The following ZNF69 variants were observed in gnomAD, a reference collection of about 807,000 sequenced individuals.
The protein encoded by ZNF69 is ZNF3.
ZNF69 carries 47 observed loss-of-function variants against 50.9 expected under a neutral mutation model. The ratio of observed to expected loss-of-function variants is 0.92; its 90% CI spans 0.73 to 1.18. ZNF69 has a LOEUF of 1.18. Among genes scored for constraint, ZNF69 ranks in the 50% most tolerant of loss-of-function variants. ZNF69 has a pLI of 0.00. For missense variants in ZNF69, 717 were observed against 675.1 expected (o/e 1.06, Z -0.69); for synonymous variants, 216 against 223.1 (o/e 0.97, Z 0.29).
the ZNF69 span, among the ~76,000 whole-genome samples, chr19:11,940,610 G>T: frequency 6.6e-6 from 1 of 152,166 alleles, no homozygotes; most frequent in Non-Finnish European, 1.5e-5. Flanking sequence ...CCCAAAGAGT[G>T]AGCACTAGCA....
At chr19:11,948,532 A>G in the ZNF69 span, 1 of 1,610,786 alleles carries the variant, frequency 6.2e-7, no homozygotes, top group South Asian at 1.1e-5. Flanking sequence ...TCAACAACCT[A>G]AAAATAAGAA....
chr19:11,973,381 A>AT, the ZNF69 span, among the ~76,000 whole-genome samples: 3 of 151,970 alleles, frequency 2.0e-5, no homozygotes, highest in Non-Finnish European at 4.4e-5. Context: ...CGACTCATTT[A>AT]TTTTTTATTT....
In ZNF69 at chr19:11,891,729, CTGT is replaced by C. The variant is rs780341705; in HGVS notation, c.63+3750_63+3752del. 3.9e-5 allele frequency among the ~76,000 whole-genome samples: 6 copies of C among 152,252 alleles called. 1 individual carries two copies. The South Asian group carries it at 6.2e-4, about 16-fold the overall frequency. Reference sequence around the variant, plus strand: ...ATGGGTATTGGGACATCAGGACATTCTGTTGTTGTGGGAGTGTAAGGATACTTG... The same window carrying C: ...ATGGGTATTGGGACATCAGGACATTCTGTTGTGGGAGTGTAAGGATACTTG... On this transcript the variant is annotated intron_variant, in intron 1 of 3. Transcript: ENST00000429654.
the ZNF69 span, among the ~76,000 whole-genome samples, chr19:11,969,140 T>C: frequency 2.6e-5 from 4 of 152,358 alleles, no homozygotes; most frequent in South Asian, 4.1e-4. Flanking sequence ...GGTCTCACTC[T>C]GTCGGCTAGG....
At position 11,888,573 on chromosome 19, in the gene ZNF69, A is replaced by AG. The variant is rs528678265; in HGVS notation, c.63+589dup. ...AAGAAGCCTGGAGTAAGTGGTCCCG[A>AG]GGCGGCTCAAGACAGTTTGGTTTTA... On this transcript the variant is annotated intron_variant, in intron 1 of 3. Transcript: ENST00000429654. Among the ~76,000 whole-genome samples, 481 of 152,302 alleles carry AG rather than the reference A, an allele frequency of 3.2e-3. 5 individuals are homozygous for AG. The highest frequency in any genetic ancestry group is 4.7e-3 in the Non-Finnish European group (317 of 68,020).
the ZNF69 span, among the ~76,000 whole-genome samples, chr19:11,962,082 T>C: frequency 3.3e-3 from 500 of 152,292 alleles, 1 homozygote; most frequent in Non-Finnish European, 3.7e-3. Flanking sequence ...ACCCCAGTGC[T>C]GGGATTAAGG....
downstream of ZNF69, among the ~76,000 whole-genome samples, chr19:11,917,324 ATT>A (rs1972530915): frequency 6.6e-6 from 1 of 152,204 alleles, no homozygotes; most frequent in Non-Finnish European, 1.5e-5. Flanking sequence ...TTTGGTGGGC[ATT>A]GAGACCCTGG....
the ZNF69 span, among the ~76,000 whole-genome samples, chr19:11,972,734 G>A: frequency 2.6e-5 from 4 of 152,042 alleles, no homozygotes; most frequent in Non-Finnish European, 5.9e-5. Context: ...TGCCCAAAAC[G>A]TTGAGCAAAT....
the ZNF69 span, among the ~76,000 whole-genome samples, chr19:11,973,973 C>T: frequency 1.3e-5 from 2 of 152,118 alleles, no homozygotes; most frequent in African/African-American, 4.8e-5. Flanking sequence ...TCACTGTCTC[C>T]AGCATTTGGA....
the ZNF69 span, among the ~76,000 whole-genome samples, chr19:11,952,786 G>T: frequency 1.3e-5 from 2 of 152,250 alleles, no homozygotes; most frequent in Non-Finnish European, 2.9e-5. Flanking sequence ...AGAGATGGGG[G>T]CACCTGACCA....
the ZNF69 span, among the ~76,000 whole-genome samples, chr19:11,962,449 C>G: frequency 6.6e-6 from 1 of 152,204 alleles, no homozygotes; most frequent in African/African-American, 2.4e-5. Flanking sequence ...ACTGCAGAAA[C>G]TCCTGGGCTC....
At chr19:11,932,030 G>T in the ZNF69 span, among the ~76,000 whole-genome samples, 1 of 147,388 alleles carries the variant, frequency 6.8e-6, no homozygotes, top group Non-Finnish European at 1.5e-5. Flanking sequence ...CAGGAGAATC[G>T]CTTGAACCTG....
chr19:11,944,348 C>T, the ZNF69 span, among the ~76,000 whole-genome samples: 7 of 152,232 alleles, frequency 4.6e-5, no homozygotes, highest in East Asian at 9.6e-4. Context: ...AGCTTGTACA[C>T]ACTTTAATCC....
At chr19:11,894,208 C>T (rs1338124554) in intron 1 of ZNF69, among the ~76,000 whole-genome samples, 2 of 152,104 alleles carry the variant, frequency 1.3e-5, no homozygotes, top group South Asian at 2.1e-4. Flanking sequence ...CTTGCTCAGT[C>T]GCCCAGGCTG....
the ZNF69 span, among the ~76,000 whole-genome samples, chr19:11,953,743 G>C: frequency 6.6e-6 from 1 of 152,162 alleles, no homozygotes; most frequent in East Asian, 1.9e-4. Flanking sequence ...AGCAGGTCAG[G>C]GGCCTTCCCC....
the ZNF69 span, among the ~76,000 whole-genome samples, chr19:11,963,088 A>T: frequency 4.1e-3 from 570 of 138,324 alleles, 6 homozygotes; most frequent in African/African-American, 0.014. Context: ...AGAGAGAGAG[A>T]GTGTGTGTGT....
At chr19:11,895,686 T>C (rs1977208423) in intron 1 of ZNF69, among the ~76,000 whole-genome samples, 1 of 152,218 alleles carries the variant, frequency 6.6e-6, no homozygotes, top group African/African-American at 2.4e-5. Flanking sequence ...ATAAAGTTTT[T>C]TTCCGTTATG....
chr19:11,952,764 CAG>C, the ZNF69 span, among the ~76,000 whole-genome samples: 2 of 152,114 alleles, frequency 1.3e-5, no homozygotes, highest in Admixed American at 6.6e-5. Flanking sequence ...GCAGGGAAGA[CAG>C]GGCAGTGGCA....
At chr19:11,952,512 C>A in the ZNF69 span, among the ~76,000 whole-genome samples, 3 of 152,276 alleles carry the variant, frequency 2.0e-5, no homozygotes, top group South Asian at 4.1e-4. Flanking sequence ...GGAAAAGTAA[C>A]TTTTATATAT....
Sources: gnomAD v4.1 joint callset for allele counts (sites outside exome capture counted in the v4.1 genomes callset) on GRCh38, gnomAD v4.1.1 for gene constraint, MANE v1.5 for transcripts, NCBI Gene and HGNC (gene_info 2026-07-23, HGNC 2026-07-21) for gene names.